Variants in CAT observed in about 807,000 individuals in gnomAD.
CAT encodes catalase.
Under a neutral mutation model 59.0 loss-of-function variants are expected in CAT, and 43 were observed. That is an observed-to-expected ratio of 0.73 (90% CI 0.57 to 0.94). The LOEUF is 0.94. Ranked by LOEUF, CAT falls within the 40% of genes least tolerant of loss-of-function variation. The pLI, the probability that CAT is intolerant of heterozygous loss-of-function variation, is 0.00. For synonymous variants in CAT, 218 were observed against 230.9 expected, an observed-to-expected ratio of 0.94 and a Z score of 0.51; for missense variants, 664 against 682.9, an observed-to-expected ratio of 0.97 and a Z score of 0.31.
chr11:34,470,974 A>G lies in CAT; in HGVS notation c.1451A>G (p.Glu484Gly), dbSNP rs769619277. Residue 484 changes from glutamate to glycine, a missense_variant, in exon 12 of 13, where the codon GAG (glutamate) becomes GGG (glycine). Transcript: ENST00000241052. ...IQKKAVKNFT[E>G]VHPDYGSHIQ... ...TGGCCTTAGGTCAAGAACTTCACTG[A>G]GGTCCACCCTGACTACGGGAGCCAC... 1.9e-6 allele frequency: 3 copies of G among 1,614,052 alleles called. No individual in the cohort carries two copies. In the South Asian group the frequency reaches 3.3e-5, roughly 18 times the overall value.
chr11:34,443,365 AAT>A (rs1450451857), intron 1 of CAT, among the ~76,000 whole-genome samples: 2 of 152,236 alleles, frequency 1.3e-5, no homozygotes, highest in African/African-American at 2.4e-5. Context: ...TGTAAACTTT[AAT>A]AAGTGAGCAT....
At chr11:34,447,240 C>T (rs902667725) in intron 1 of CAT, among the ~76,000 whole-genome samples, 11 of 152,218 alleles carry the variant, frequency 7.2e-5, no homozygotes, top group African/African-American at 2.6e-4. Context: ...AGGCCTCACC[C>T]AGGGCACTTC....
intron 4 of CAT, 138 bp from the exon 5 acceptor site, chr11:34,452,952 A>G: frequency 1.5e-6 from 1 of 671,468 alleles, no homozygotes; most frequent in East Asian, 2.6e-5. Context: ...ATTTCATATT[A>G]TGGTTTGGCA....
At chr11:34,444,498 G>A (rs1026025130) in intron 1 of CAT, among the ~76,000 whole-genome samples, 5 of 152,160 alleles carry the variant, frequency 3.3e-5, no homozygotes, top group Non-Finnish European at 7.3e-5. Flanking sequence ...TTGGTTTCCT[G>A]TACGTGGGTG....
chr11:34,457,543 T>C (rs1364437766), intron 8 of CAT, among the ~76,000 whole-genome samples: 1 of 152,172 alleles, frequency 6.6e-6, no homozygotes, highest in Non-Finnish European at 1.5e-5. Flanking sequence ...AATTTTTCCA[T>C]TTGTAAAAAG....
chr11:34,461,299 A>C lies in CAT; in HGVS notation c.1105A>C (p.Asn369His). 6.2e-7 allele frequency: 1 copy of C among 1,614,238 alleles called. No individual in the cohort carries two copies. Among genetic ancestry groups the C allele is most frequent in the Non-Finnish European group, 8.5e-7 (1 of 1,180,044 alleles). Residue 369 changes from asparagine to histidine, a missense_variant, in exon 9 of 13, where the codon AAT becomes CAT. Physicochemically the swap from Asn to His is moderately conservative, Grantham distance 68. Transcript: ENST00000241052. ...CACTCACCGCCATCGCCTGGGACCC[A>C]ATTATCTTCATATACCTGTGAACTG... ...PDTHRHRLGP[N>H]YLHIPVNCPY...
intron 1 of CAT, among the ~76,000 whole-genome samples, chr11:34,439,451 A>G (rs1463279404): frequency 6.6e-6 from 1 of 152,058 alleles, no homozygotes; most frequent in Non-Finnish European, 1.5e-5. Context: ...ACCAGGCTCT[A>G]ATGGTGCCCT....
chr11:34,457,904 C>T (rs1179607978), intron 8 of CAT, among the ~76,000 whole-genome samples: 5 of 152,178 alleles, frequency 3.3e-5, no homozygotes, highest in Non-Finnish European at 1.5e-5. Context: ...GCTAAGATTC[C>T]GTTTTTAAAA....
intron 9 of CAT, 101 bp from the exon 10 acceptor site, chr11:34,463,976 GTTTATATCTGTGTATGTGTACGTGTGTA>G: frequency 1.1e-6 from 1 of 916,512 alleles, no homozygotes; most frequent in Admixed American, 1.7e-5. Flanking sequence ...TGTGCGTTGT[GTTTATATCTGTGTATGTGTACGTGTGTA>G]TTTGATTACC....
Position 34,460,272 on chromosome 11 carries a change from A to G in CAT, c.1057-979A>G, listed in dbSNP as rs17880160. Reference sequence around the variant, plus strand: ...TGAAAGAAATTTCAAGATGCTTGCCATCTTTGCCTTGATTAACATGGAACA... The same window carrying G: ...TGAAAGAAATTTCAAGATGCTTGCCGTCTTTGCCTTGATTAACATGGAACA... On this transcript the variant is annotated intron_variant, in intron 8 of 12. Coordinates refer to ENST00000241052, the MANE Select transcript of CAT (RefSeq NM_001752.4). Among the ~76,000 whole-genome samples the G allele has an allele frequency of 1.9e-3, 294 of 152,244 alleles. 2 individuals carry two copies. Among genetic ancestry groups the G allele is most frequent in the African/African-American group, 6.6e-3 (276 of 41,554 alleles).
Position 34,453,114 on chromosome 11 carries a change from AAG to A in CAT, c.509_510del (p.Arg170LysfsTer21), listed in dbSNP as rs944164792. 1.2e-6 allele frequency: 2 copies of A among 1,612,782 alleles called. No individual in the cohort carries two copies. The highest frequency in any genetic ancestry group is 2.7e-5 in the African/African-American group (2 of 74,872). ...GTTTCCATCTTTTATCCACAGCCAA[AAG>A]AGAAATCCTCAGACACATCTGAAGG... ...ILFPSFIHSQ[K>X]RNPQTHLKDP... On this transcript the variant is annotated frameshift_variant, in exon 5 of 13. Transcript: ENST00000241052. LOFTEE classifies it high-confidence loss of function.
In CAT at chr11:34,464,193, A is replaced by G. The variant is rs757190770; in HGVS notation, c.1284A>G (p.Glu428=). 3.1e-6 allele frequency: 5 copies of G among 1,614,098 alleles called. No homozygotes were observed. Among genetic ancestry groups the G allele is most frequent in the Non-Finnish European group, 4.2e-6 (5 of 1,179,922 alleles). Residue 428 remains glutamate, a synonymous_variant, in exon 10 of 13, where the codon GAA becomes GAG. Transcript: ENST00000241052. ...AGCACAGCATCCAATATTCTGGAGAAGTGCGGAGATTCAACACTGCCAATG... is the reference window on the plus strand; with the variant it reads ...AGCACAGCATCCAATATTCTGGAGAGGTGCGGAGATTCAACACTGCCAATG... ...ALEHSIQYSG[E]VRRFNTANDD...
chr11:34,447,441 A>G (rs1211336511), intron 1 of CAT, among the ~76,000 whole-genome samples: 1 of 152,188 alleles, frequency 6.6e-6, no homozygotes, highest in Non-Finnish European at 1.5e-5. Context: ...TTCTACTTTA[A>G]ATTAAAAATA....
Position 34,460,450 on chromosome 11 carries a change from T to C in CAT, c.1057-801T>C, listed in dbSNP as rs1484160362. Among the ~76,000 whole-genome samples the C allele has an allele frequency of 3.5e-3, 494 of 142,750 alleles. 6 individuals carry two copies. The East Asian group carries it at 0.04, about 11-fold the overall frequency. 93.6% of individuals were successfully genotyped at this position (142,750 alleles called of 152,430 possible). Reference sequence around the variant, plus strand: ...GCAGCATGGGAGTGGGCGGTACTTTTTTTTTTTTTTTTTTTTTTTTTCTGA... The same window carrying C: ...GCAGCATGGGAGTGGGCGGTACTTTCTTTTTTTTTTTTTTTTTTTTTCTGA... On this transcript the variant is annotated intron_variant, in intron 8 of 12. Transcript: ENST00000241052.
intron 1 of CAT, among the ~76,000 whole-genome samples, chr11:34,442,622 G>A (rs1856404813): frequency 6.6e-6 from 1 of 152,110 alleles, no homozygotes; most frequent in African/African-American, 2.4e-5. Context: ...AAAAAGAAAT[G>A]TATTCCTTTC....
chr11:34,449,451 C>T (rs1210596010), intron 2 of CAT, 88 bp downstream of exon 2: 1 of 1,131,638 alleles, frequency 8.8e-7, no homozygotes, highest in Non-Finnish European at 1.3e-6. Context: ...AGACCTTTAA[C>T]ACAAGTGTCA....
At chr11:34,451,189 T>C (rs1274247383) in intron 3 of CAT, 91 bp downstream of exon 3, 1 of 836,966 alleles carries the variant, frequency 1.2e-6, no homozygotes, top group African/African-American at 1.7e-5. Flanking sequence ...TATTAGAAAA[T>C]AGGAAGCAAG....
rs146946825 is a variant in CAT at position 34,470,982 on chromosome 11, C to G, written c.1459C>G (p.Pro487Ala). 1 of 1,614,140 alleles carries G rather than the reference C, an allele frequency of 6.2e-7. No individual in the cohort carries two copies. Among genetic ancestry groups the G allele is most frequent in the Non-Finnish European group, 8.5e-7 (1 of 1,179,980 alleles). The change falls in exon 12 of 13, where the codon CCT (proline) becomes GCT (alanine). Residue 487 changes from proline to alanine, a missense_variant. Transcript: ENST00000241052. ...GGTCAAGAACTTCACTGAGGTCCACCCTGACTACGGGAGCCACATCCAGGC... is the reference window on the plus strand; with the variant it reads ...GGTCAAGAACTTCACTGAGGTCCACGCTGACTACGGGAGCCACATCCAGGC... ...KAVKNFTEVH[P>A]DYGSHIQALL...
At chr11:34,471,347 C>A in intron 12 of CAT, 21 bp from the exon 13 acceptor site, 1 of 1,607,066 alleles carries the variant, frequency 6.2e-7, no homozygotes, top group South Asian at 1.1e-5. Flanking sequence ...TTAACCTGCT[C>A]ATCTTGTTCT....
Sources: allele counts gnomAD v4.1 joint callset (sites outside exome capture counted in the v4.1 genomes callset), GRCh38; gene constraint gnomAD v4.1.1; transcripts MANE v1.5; gene names NCBI Gene and HGNC (gene_info 2026-07-23, HGNC 2026-07-21).